Variants in GRM7 observed in about 807,000 individuals in gnomAD.
The protein encoded by GRM7 is metabotropic glutamate receptor 7.
A neutral mutation model predicts 84.5 loss-of-function variants in GRM7; 35 were observed. The observed-to-expected ratio is 0.41, with a 90% CI of 0.32 to 0.55. The LOEUF is 0.55. Ranked by LOEUF, GRM7 falls within the 20% of genes least tolerant of loss-of-function variation. GRM7 has a pLI of 0.19. For synonymous variants in GRM7, 487 were observed against 455.1 expected, an observed-to-expected ratio of 1.07 and a Z score of -0.89; for missense variants, 1,003 against 1,194.6, an observed-to-expected ratio of 0.84 and a Z score of 2.36.
At chr3:6,934,790 G>A (rs17750228) in intron 1 of GRM7, among the ~76,000 whole-genome samples, 10,424 of 152,194 alleles carry the variant, frequency 0.068, 466 homozygotes, top group Middle Eastern at 0.1. Context: ...ATGAAGTTTG[G>A]ATTGGTAGGG....
intron 9 of GRM7, chr3:7,680,570 T>C: frequency 2.3e-6 from 1 of 426,372 alleles, no homozygotes; most frequent in Non-Finnish European, 4.3e-6. Context: ...TACTGAATCC[T>C]CCAACTGACA....
chr3:6,965,549 G>A (rs149590200), intron 1 of GRM7, among the ~76,000 whole-genome samples: 2 of 151,890 alleles, frequency 1.3e-5, no homozygotes, highest in Non-Finnish European at 1.5e-5. Context: ...TGCCCAGGCT[G>A]GTCTTGCATT....
chr3:6,891,425 C>T (rs28832878), intron 1 of GRM7, among the ~76,000 whole-genome samples: 16,593 of 152,146 alleles, frequency 0.11, 1,611 homozygotes, highest in African/African-American at 0.25. Context: ...TAGAGCAGGC[C>T]TGGTGGTAAC....
chr3:7,308,861 G>A (rs1700291287), intron 4 of GRM7, among the ~76,000 whole-genome samples: 1 of 152,014 alleles, frequency 6.6e-6, no homozygotes, highest in African/African-American at 2.4e-5. Flanking sequence ...GAACTTACTG[G>A]GTTATCTCAA....
At chr3:7,074,006 A>T (rs894108300) in intron 1 of GRM7, among the ~76,000 whole-genome samples, 6 of 152,226 alleles carry the variant, frequency 3.9e-5, no homozygotes, top group African/African-American at 1.4e-4. Flanking sequence ...TTTACTTGCA[A>T]AACATTGCTG....
At chr3:7,463,054 C>A (rs1210035100) in intron 7 of GRM7, among the ~76,000 whole-genome samples, 1 of 152,092 alleles carries the variant, frequency 6.6e-6, no homozygotes, top group Non-Finnish European at 1.5e-5. Flanking sequence ...CTGGATGACA[C>A]ACTCAAAGTG....
chr3:6,878,504 G>C (rs959517168), intron 1 of GRM7, among the ~76,000 whole-genome samples: 1 of 150,050 alleles, frequency 6.7e-6, no homozygotes, highest in Non-Finnish European at 1.5e-5. Context: ...TTTGTGTCTG[G>C]GACTGCAGCA....
intron 1 of GRM7, among the ~76,000 whole-genome samples, chr3:6,896,967 T>C (rs556598111): frequency 3.0e-4 from 46 of 152,218 alleles, no homozygotes; most frequent in Non-Finnish European, 5.7e-4. Flanking sequence ...TGGTTATTTG[T>C]TTGCCTAAGT....
intron 8 of GRM7, among the ~76,000 whole-genome samples, chr3:7,658,378 A>G (rs955722297): frequency 5.9e-5 from 9 of 152,220 alleles, no homozygotes; most frequent in African/African-American, 2.2e-4. Context: ...AGTTTTGGGA[A>G]AATGAAAATT....
chr3:7,329,112 A>G (rs1701098588), intron 4 of GRM7, among the ~76,000 whole-genome samples: 1 of 152,080 alleles, frequency 6.6e-6, no homozygotes, highest in Non-Finnish European at 1.5e-5. Flanking sequence ...GTTAATCATA[A>G]CCTGCCTTCT....
At chr3:7,694,029 GT>G (rs551358093) in intron 9 of GRM7, among the ~76,000 whole-genome samples, 9 of 152,158 alleles carry the variant, frequency 5.9e-5, no homozygotes, top group Admixed American at 4.6e-4. Flanking sequence ...TGGATTCTCA[GT>G]TTTTTCTGGG....
At chr3:7,132,698 A>T (rs1278294492) in intron 1 of GRM7, among the ~76,000 whole-genome samples, 2 of 152,334 alleles carry the variant, frequency 1.3e-5, no homozygotes, top group South Asian at 2.1e-4. Flanking sequence ...ATCAACACAG[A>T]TTTAATTTCA....
chr3:7,635,525 A>G (rs1698054520), intron 8 of GRM7, among the ~76,000 whole-genome samples: 2 of 152,140 alleles, frequency 1.3e-5, no homozygotes, highest in East Asian at 3.9e-4. Context: ...GTCCACTGAA[A>G]GCAATAGTCT....
At chr3:7,488,826 C>T (rs1156614242) in intron 7 of GRM7, among the ~76,000 whole-genome samples, 1 of 150,842 alleles carries the variant, frequency 6.6e-6, no homozygotes, top group Admixed American at 6.6e-5. Context: ...ATTTTTTGTT[C>T]CACATTCTGG....
intron 5 of GRM7, among the ~76,000 whole-genome samples, chr3:7,420,411 T>C (rs1233015975): frequency 1.3e-5 from 2 of 152,180 alleles, no homozygotes; most frequent in East Asian, 3.8e-4. Flanking sequence ...TATAGATAAA[T>C]AGTGTCTAAC....
At chr3:7,204,175 G>A (rs953829454) in intron 2 of GRM7, among the ~76,000 whole-genome samples, 12 of 152,252 alleles carry the variant, frequency 7.9e-5, no homozygotes, top group East Asian at 7.7e-4. Context: ...TGTCCACCTG[G>A]GTCACCCACT....
At chr3:7,592,737 T>C (rs1695855506) in intron 8 of GRM7, among the ~76,000 whole-genome samples, 1 of 152,210 alleles carries the variant, frequency 6.6e-6, no homozygotes, top group African/African-American at 2.4e-5. Flanking sequence ...AGTATTAATA[T>C]CATCTTCCTC....
rs373952791 is a variant in GRM7 at position 7,453,153 on chromosome 3, A to G, written c.1375+346A>G. ...CTCTGAATATGGAAAAACTGAAGTC[A>G]TTTTTCCTCTGCTCTCATACCACAA... On this transcript the variant is annotated intron_variant, in intron 6 of 9. Coordinates refer to ENST00000357716, the MANE Select transcript of GRM7 (RefSeq NM_000844.4). Among the ~76,000 whole-genome samples, 9 of 151,758 alleles carry G rather than the reference A, an allele frequency of 5.9e-5. No individual in the cohort carries two copies. The East Asian group carries it at 1.6e-3, about 26-fold the overall frequency.
At chr3:7,333,262 A>T (rs1355805865) in intron 4 of GRM7, among the ~76,000 whole-genome samples, 1 of 152,080 alleles carries the variant, frequency 6.6e-6, no homozygotes, top group Non-Finnish European at 1.5e-5. Flanking sequence ...CTCCCCTGCT[A>T]CCTCCACCTG....
Sources: allele counts gnomAD v4.1 joint callset (sites outside exome capture counted in the v4.1 genomes callset), GRCh38; gene constraint gnomAD v4.1.1; transcripts MANE v1.5; gene names NCBI Gene and HGNC (gene_info 2026-07-23, HGNC 2026-07-21).